Variants in MACF1 observed in about 807,000 individuals in gnomAD.
MACF1 encodes the protein microtubule-actin cross-linking factor 1.
MACF1 carries 193 observed loss-of-function variants against 854.8 expected under a neutral mutation model. The ratio of observed to expected loss-of-function variants is 0.23; its 90% confidence interval spans 0.20 to 0.25. MACF1 has a LOEUF of 0.25. Among genes scored for constraint, MACF1 ranks in the 10% least tolerant of loss-of-function variants. The pLI is 1.00. For missense variants in MACF1, 7,722 were observed against 8,929.1 expected, an observed-to-expected ratio of 0.86 and a Z score of 5.45; for synonymous variants, 3,185 against 3,226.7, an observed-to-expected ratio of 0.99 and a Z score of 0.44.
At chr1:39,147,889 A>G (rs1052096734) in intron 2 of MACF1, among the ~76,000 whole-genome samples, 2 of 152,152 alleles carry the variant, frequency 1.3e-5, no homozygotes, top group Non-Finnish European at 2.9e-5. Flanking sequence ...TCTTTGATTT[A>G]TGCCAGTGGT....
chr1:39,086,124 C>T (rs545133938), intron 2 of MACF1, among the ~76,000 whole-genome samples: 32 of 152,280 alleles, frequency 2.1e-4, no homozygotes, highest in Admixed American at 5.9e-4. Context: ...TTTGAGCCCC[C>T]GAGGGCTGCA....
At chr1:39,225,719 C>T (rs1644709342) in intron 1 of MACF1, among the ~76,000 whole-genome samples, 1 of 152,084 alleles carries the variant, frequency 6.6e-6, no homozygotes, top group Non-Finnish European at 1.5e-5. Context: ...ATGAATATTG[C>T]CTTTTCTTTG....
chr1:39,444,301 A>G (rs1644180311), intron 79 of MACF1, among the ~76,000 whole-genome samples: 1 of 151,864 alleles, frequency 6.6e-6, no homozygotes, highest in African/African-American at 2.4e-5. Flanking sequence ...CTGCCACTGC[A>G]CTCCAGCCTG....
intron 98 of MACF1, among the ~76,000 whole-genome samples, chr1:39,480,715 G>A (rs1644997551): frequency 1.3e-5 from 2 of 152,292 alleles, no homozygotes; most frequent in Non-Finnish European, 1.5e-5. Context: ...TAACAGCTAA[G>A]TTTGATGTTA....
chr1:39,163,336 G>C (rs148181683), intron 2 of MACF1, among the ~76,000 whole-genome samples: 5,817 of 67,072 alleles, frequency 0.087, 195 homozygotes, highest in Middle Eastern at 0.16. Flanking sequence ...GAGCAAGACT[G>C]TCTCAAAAAA....
chr1:39,319,176 GTTAT>G (rs1326881262), intron 30 of MACF1, among the ~76,000 whole-genome samples: 2 of 151,984 alleles, frequency 1.3e-5, no homozygotes, highest in African/African-American at 4.8e-5. Flanking sequence ...GACATAGTTT[GTTAT>G]TTATTTAACC....
At chr1:39,104,088 C>CT (rs892181764) in intron 2 of MACF1, among the ~76,000 whole-genome samples, 1 of 152,152 alleles carries the variant, frequency 6.6e-6, no homozygotes, top group Non-Finnish European at 1.5e-5. Context: ...TGCATGAATT[C>CT]TTTTTTTACT....
intron 50 of MACF1, among the ~76,000 whole-genome samples, 195 bp from the exon 51 acceptor site, chr1:39,369,835 G>C (rs1374990710): frequency 6.6e-6 from 1 of 152,192 alleles, no homozygotes; most frequent in African/African-American, 2.4e-5. Flanking sequence ...GTCCAAACAA[G>C]GGCAATATAT....
At chr1:39,443,606 C>G (rs1052679040) in intron 79 of MACF1, 32 bp downstream of exon 79, 8 of 1,576,628 alleles carry the variant, frequency 5.1e-6, no homozygotes, top group Non-Finnish European at 6.9e-6. Flanking sequence ...TGAGCATAAG[C>G]ATCCCATATT....
chr1:39,096,106 C>G (rs530356758), intron 2 of MACF1, among the ~76,000 whole-genome samples: 5 of 150,734 alleles, frequency 3.3e-5, no homozygotes, highest in Middle Eastern at 6.8e-3. Flanking sequence ...GAGATGGAGG[C>G]TGCAGTGACC....
rs191344825 is a variant in MACF1 at position 39,352,992 on chromosome 1, C to T, written c.11200-15C>T. 5.0e-5 allele frequency: 80 copies of T among 1,601,084 alleles called. No homozygotes were observed. The East Asian group carries it at 9.4e-4, about 19-fold the overall frequency. On this transcript the variant is annotated splice_polypyrimidine_tract_variant and intron_variant, in intron 43 of 100. Coordinates refer to ENST00000564288, the MANE Select transcript of MACF1 (RefSeq NM_001394062.1). ...ATGTAAAGCCTTCTCACTAGACTAC[C>T]TCGGTGGCTTTCAGAGTAAAGCAGC...
chr1:39,342,735 G>T (rs1646963896), intron 40 of MACF1, among the ~76,000 whole-genome samples: 1 of 151,942 alleles, frequency 6.6e-6, no homozygotes, highest in African/African-American at 2.4e-5. Context: ...GCGTAGAGTG[G>T]TCTCGAACTC....
intron 54 of MACF1, 124 bp downstream of exon 54, chr1:39,379,568 T>C (rs888647934): frequency 3.0e-5 from 31 of 1,035,220 alleles, no homozygotes; most frequent in Non-Finnish European, 3.9e-5. Flanking sequence ...TGATGGGCAG[T>C]ATGTTTGACA....
chr1:39,453,733 G>T lies in MACF1; in HGVS notation c.20769G>T (p.Lys6923Asn). The change falls in exon 88 of 101, where the codon AAG becomes AAT. Residue 6923 changes from lysine (K) to asparagine (N), a missense_variant. Transcript: ENST00000564288. The part of the protein sequence containing the change: ...HKEFMKKVEE[K>N]RVDVNSAVAM... ...AATTCATGAAGAAAGTAGAAGAAAA[G>T]CGAGTGGACGTTAACTCAGCAGTAG... The T allele has an allele frequency of 1.9e-6, 3 of 1,614,152 alleles. No individual in the cohort carries two copies. Among genetic ancestry groups the T allele is most frequent in the Non-Finnish European group, 2.5e-6 (3 of 1,180,010 alleles).
chr1:39,281,733 A>C (rs2148379928), intron 6 of MACF1, among the ~76,000 whole-genome samples: 1 of 152,356 alleles, frequency 6.6e-6, no homozygotes, highest in East Asian at 1.9e-4. Context: ...ATTTATAACC[A>C]GTCAACCCCT....
At chr1:39,231,611 G>A (rs371584323) in intron 2 of MACF1, among the ~76,000 whole-genome samples, 2 of 152,152 alleles carry the variant, frequency 1.3e-5, no homozygotes, top group African/African-American at 4.8e-5. Context: ...AGGAGGCAGA[G>A]GCTGAAGATA....
chr1:39,144,487 A>G (rs539762051), intron 2 of MACF1, among the ~76,000 whole-genome samples: 1 of 152,318 alleles, frequency 6.6e-6, no homozygotes, highest in Admixed American at 6.5e-5. Context: ...TACTGCACCC[A>G]GAGATCCAGA....
chr1:39,324,841 G>A, intron 35 of MACF1, 107 bp downstream of exon 35: 2 of 807,068 alleles, frequency 2.5e-6, no homozygotes, highest in South Asian at 1.7e-5. Context: ...AGCAGCAAGA[G>A]CCAGATTATG....
At chr1:39,267,864 T>TAAA (rs1645252086) in intron 6 of MACF1, among the ~76,000 whole-genome samples, 1 of 152,214 alleles carries the variant, frequency 6.6e-6, no homozygotes, top group African/African-American at 2.4e-5. Flanking sequence ...ATCTTTCTTT[T>TAAA]CTTTTATAGG....
Sources: gnomAD v4.1 joint callset for allele counts (sites outside exome capture counted in the v4.1 genomes callset) on GRCh38, gnomAD v4.1.1 for gene constraint, MANE v1.5 for transcripts, NCBI Gene and HGNC (gene_info 2026-07-23, HGNC 2026-07-21) for gene names.